Variants in MARK2 observed in about 807,000 individuals in gnomAD.
MARK2 encodes microtubule affinity regulating kinase 2, also known as serine/threonine-protein kinase MARK2.
Under a neutral mutation model 89.8 loss-of-function variants are expected in MARK2, and 16 were observed. The observed-to-expected ratio is 0.18, with a 90% CI of 0.12 to 0.27. The LOEUF is 0.27. Ranked by LOEUF, MARK2 falls within the 10% of genes least tolerant of loss-of-function variation. The pLI, the probability that MARK2 is intolerant of heterozygous loss-of-function variation, is 1.00. For missense variants in MARK2, 621 were observed against 1,049.9 expected (o/e 0.59, Z 5.65); for synonymous variants, 382 against 399.5 (o/e 0.96, Z 0.52).
intron 17 of MARK2, 60 bp from the exon 18 acceptor site, chr11:63,908,200 G>C: frequency 6.8e-7 from 1 of 1,478,160 alleles, no homozygotes; most frequent in East Asian, 2.5e-5. Flanking sequence ...ATCTGGGTCT[G>C]TGGCGGCGGA....
chr11:63,893,684 G>A (rs544243689), intron 1 of MARK2, among the ~76,000 whole-genome samples: 11 of 152,142 alleles, frequency 7.2e-5, no homozygotes, highest in Admixed American at 2.6e-4. Context: ...TTGAACATCC[G>A]TAATCCAAAA....
chr11:63,861,842 AGCAATT>A (rs1275855431), intron 1 of MARK2, among the ~76,000 whole-genome samples: 3 of 151,190 alleles, frequency 2.0e-5, no homozygotes, highest in Non-Finnish European at 4.4e-5. Context: ...CCCGGGTTCA[AGCAATT>A]CTCCTGCCTC....
intron 3 of MARK2, 21 bp downstream of exon 3, chr11:63,895,654 G>A: frequency 7.7e-7 from 1 of 1,303,170 alleles, no homozygotes; most frequent in Non-Finnish European, 1.1e-6. Flanking sequence ...GGCACCTCCT[G>A]TCCCTTTTTT....
intron 1 of MARK2, among the ~76,000 whole-genome samples, chr11:63,854,296 T>G (rs1418044538): frequency 1.3e-5 from 2 of 150,570 alleles, no homozygotes; most frequent in African/African-American, 4.9e-5. Context: ...GCCTCCCGGG[T>G]TCAAGTGATT....
intron 1 of MARK2, among the ~76,000 whole-genome samples, chr11:63,842,796 AC>A (rs1288275533): frequency 1.3e-5 from 2 of 152,072 alleles, no homozygotes; most frequent in Non-Finnish European, 2.9e-5. Flanking sequence ...AAATAGGTAA[AC>A]AAACACCACT....
At chr11:63,907,778 C>T (rs1418471858) in intron 17 of MARK2, among the ~76,000 whole-genome samples, 1 of 152,258 alleles carries the variant, frequency 6.6e-6, no homozygotes, top group Non-Finnish European at 1.5e-5. Context: ...CACGGCCCCT[C>T]CTCCTACAGA....
chr11:63,884,868 G>A (rs963295183), intron 1 of MARK2, among the ~76,000 whole-genome samples: 1 of 152,190 alleles, frequency 6.6e-6, no homozygotes, highest in African/African-American at 2.4e-5. Context: ...AGTGAGGGAG[G>A]AAGGGTTAAA....
chr11:63,879,375 T>G (rs1374810134), intron 1 of MARK2, among the ~76,000 whole-genome samples: 2 of 152,106 alleles, frequency 1.3e-5, no homozygotes, highest in African/African-American at 2.4e-5. Flanking sequence ...TAAGTTGTCC[T>G]CCTATATGCC....
chr11:63,867,011 G>A (rs1489255623), intron 1 of MARK2, among the ~76,000 whole-genome samples: 1 of 152,188 alleles, frequency 6.6e-6, no homozygotes, highest in Non-Finnish European at 1.5e-5. Flanking sequence ...CTGGTAGCCT[G>A]ATGGATAAGG....
chr11:63,909,340 C>A lies in MARK2; in HGVS notation c.*103C>A. ...AGACTGCAGCGATGGATTGGTGTGT[C>A]TCCCCTGCTGGCACTTCTCCCCTCC... is the stretch of plus-strand genomic sequence containing the variant. On this transcript the variant is annotated 3_prime_UTR_variant, in exon 19 of 19. Coordinates refer to ENST00000402010, the MANE Select transcript of MARK2 (RefSeq NM_001039469.3). 1 of 1,253,378 alleles carries A rather than the reference C, an allele frequency of 8.0e-7. No homozygotes were observed. The highest frequency in any genetic ancestry group is 1.1e-6 in the Non-Finnish European group (1 of 933,332). The allele number at this position is 1,253,378 out of a possible 1,614,324, so 77.6% of individuals were successfully genotyped here.
intron 1 of MARK2, among the ~76,000 whole-genome samples, chr11:63,877,100 CTTTTTTTTTTTTTT>C (rs757123411): frequency 0.011 from 876 of 79,540 alleles, 20 homozygotes; most frequent in African/African-American, 0.04. Flanking sequence ...CAATCAGACT[CTTTTTTTTTTTTTT>C]TTTTTTTTTT....
chr11:63,898,615 A>G lies in MARK2; in HGVS notation c.345A>G (p.Leu115=). The change falls in exon 5 of 19, where the codon TTA becomes TTG. Residue 115 remains leucine, a synonymous_variant. Coordinates refer to ENST00000402010, the MANE Select transcript of MARK2 (RefSeq NM_001039469.3). Reference sequence around the variant, plus strand: ...TGGCCTTTTCTCTTGTAGTTAAATTATTTGAAGTGATTGAGACTGAGAAAA... The same window carrying G: ...TGGCCTTTTCTCTTGTAGTTAAATTGTTTGAAGTGATTGAGACTGAGAAAA... ...KVLNHPNIVK[L]FEVIETEKTL... 1.2e-6 allele frequency: 2 copies of G among 1,613,618 alleles called. No individual in the cohort carries two copies. Among genetic ancestry groups the G allele is most frequent in the Non-Finnish European group, 1.7e-6 (2 of 1,179,578 alleles).
chr11:63,843,225 A>C (rs2016110410), intron 1 of MARK2, among the ~76,000 whole-genome samples: 1 of 152,200 alleles, frequency 6.6e-6, no homozygotes, highest in South Asian at 2.1e-4. Context: ...TTGTGAAAGC[A>C]ATCAGCAAGA....
chr11:63,849,441 G>T (rs2016452826), intron 1 of MARK2, among the ~76,000 whole-genome samples: 1 of 152,146 alleles, frequency 6.6e-6, no homozygotes, highest in Admixed American at 6.6e-5. Context: ...CCAATAAGTG[G>T]TTCCACTATG....
Position 63,898,791 on chromosome 11 carries a change from T to C in MARK2, c.432T>C (p.His144=). 1 of 1,614,152 alleles carries C rather than the reference T, an allele frequency of 6.2e-7. No individual in the cohort carries two copies. The highest frequency in any genetic ancestry group is 1.1e-5 in the South Asian group (1 of 91,082). ...GGEVFDYLVA[H]GRMKEKEARA... is the part of the protein sequence containing the mutation. ...AGGTATTTGATTACCTAGTGGCTCA[T>C]GGCAGGATGAAAGAAAAAGAGGCTC... The change falls in exon 6 of 19, where the codon CAT becomes CAC. Residue 144 remains histidine (H), a synonymous_variant. Coordinates refer to ENST00000402010, the MANE Select transcript of MARK2 (RefSeq NM_001039469.3).
chr11:63,846,760 A>C (rs531359015), intron 1 of MARK2, among the ~76,000 whole-genome samples: 175 of 149,322 alleles, frequency 1.2e-3, no homozygotes, highest in Non-Finnish European at 2.0e-3. Context: ...GATTCACGCC[A>C]TTCTCCTGCC....
chr11:63,909,296 G>A lies in MARK2; in HGVS notation c.*59G>A. The A allele has an allele frequency of 1.4e-6, 2 of 1,474,300 alleles. No homozygotes were observed. The highest frequency in any genetic ancestry group is 2.4e-5 in the East Asian group (1 of 41,878). The allele number at this position is 1,474,300 out of a possible 1,614,324, so 91.3% of individuals were successfully genotyped here. A position where few individuals can be genotyped will look rare whatever the true frequency, so the allele number is the denominator to read the frequency against. On this transcript the variant is annotated 3_prime_UTR_variant, in exon 19 of 19. Coordinates refer to ENST00000402010, the MANE Select transcript of MARK2 (RefSeq NM_001039469.3). ...CCAGCTGGACGGGCTGCCGGCCGCT[G>A]CGCCGCCCCACCTGGGCGAGACTGC... is the stretch of plus-strand genomic sequence containing the variant.
rs550610915 is a variant in MARK2, at chr11:63,855,858, TGTG to T, written c.54+16302_54+16304del. 4.8e-4 allele frequency among the ~76,000 whole-genome samples: 73 copies of T among 152,338 alleles called. 1 individual carries two copies. The South Asian group carries it at 0.011, about 24-fold the overall frequency. On this transcript the variant is annotated intron_variant, in intron 1 of 18. Coordinates refer to ENST00000402010, the MANE Select transcript of MARK2 (RefSeq NM_001039469.3). ...CAAGAATGTAAAGCACTGCTACTCT[TGTG>T]GTGAAATTTCATTTTGTTTTGGAAA...
chr11:63,889,265 G>A (rs1255745746), intron 1 of MARK2, among the ~76,000 whole-genome samples: 3 of 152,176 alleles, frequency 2.0e-5, no homozygotes, highest in African/African-American at 7.2e-5. Flanking sequence ...GGGGAGCCTA[G>A]GATCTGGGGC....
Sources: gnomAD v4.1 joint callset for allele counts (sites outside exome capture counted in the v4.1 genomes callset) on GRCh38, gnomAD v4.1.1 for gene constraint, MANE v1.5 for transcripts, NCBI Gene and HGNC (gene_info 2026-07-23, HGNC 2026-07-21) for gene names.